SCAF4: variants seen among roughly 807,000 people sequenced by gnomAD.
SCAF4 encodes SR-related CTD associated factor 4.
Under a neutral mutation model 129.8 loss-of-function variants are expected in SCAF4, and 25 were observed. The observed-to-expected ratio is 0.19, with a 90% CI of 0.14 to 0.27. SCAF4 has a LOEUF of 0.27. SCAF4 is among the 10% of genes least tolerant of loss of function. SCAF4 has a pLI of 1.00. For missense variants in SCAF4, 1,246 were observed against 1,457.1 expected (o/e 0.86, Z 2.36); for synonymous variants, 551 against 497.7 (o/e 1.11, Z -1.43).
chr21:31,690,282 C>G (rs773799073), intron 15 of SCAF4, among the ~76,000 whole-genome samples: 1 of 151,840 alleles, frequency 6.6e-6, no homozygotes. Context: ...GTCAGGAGTT[C>G]GAGACCAGCC....
At chr21:31,690,733 CG>C (rs1486549095) in intron 15 of SCAF4, 63 bp downstream of exon 15, 25 of 1,449,842 alleles carry the variant, frequency 1.7e-5, no homozygotes, top group African/African-American at 2.8e-5. Flanking sequence ...ACAGGACATT[CG>C]ATTTGTCATA....
At position 31,690,824 on chromosome 21, in the gene SCAF4, T is replaced by C. The variant is rs1303372744; in HGVS notation, c.1858A>G (p.Met620Val). 2 of 1,613,636 alleles carry C rather than the reference T, an allele frequency of 1.2e-6. No individual in the cohort carries two copies. Among genetic ancestry groups the C allele is most frequent in the South Asian group, 1.1e-5 (1 of 90,916 alleles). ...GGGTTAAGTGTGTCACTGTCCAACATTCCTCCTTCACAAAAACTCTCCAGT... is the reference window on the plus strand; with the variant it reads ...GGGTTAAGTGTGTCACTGTCCAACACTCCTCCTTCACAAAAACTCTCCAGT... ...EELESFCEGG[M>V]LDSDTLNPDW... The change falls in exon 15 of 20, where the codon ATG becomes GTG. Residue 620 changes from methionine (M) to valine (V), a missense_variant. Transcript: ENST00000286835.
chr21:31,694,722 CA>C, intron 10 of SCAF4, 90 bp downstream of exon 10: 1 of 1,299,326 alleles, frequency 7.7e-7, no homozygotes, highest in Non-Finnish European at 1.1e-6. Context: ...TCTTCATATT[CA>C]AAAATGAAGA....
chr21:31,704,994 G>T (rs1243427056), intron 3 of SCAF4, among the ~76,000 whole-genome samples: 9 of 152,170 alleles, frequency 5.9e-5, no homozygotes, highest in Admixed American at 5.2e-4. Context: ...TGAGACAGAT[G>T]TGTGCCAATC....
chr21:31,696,074 A>G, intron 9 of SCAF4, 39 bp downstream of exon 9: 1 of 1,439,948 alleles, frequency 6.9e-7, no homozygotes, highest in Non-Finnish European at 9.8e-7. Context: ...CTCTATAATG[A>G]ATAGATCTTT....
rs557816046 is a variant in SCAF4, at chr21:31,677,857, C to T, written c.2489-5503G>A. Among the ~76,000 whole-genome samples, 13 of 152,300 alleles carry T rather than the reference C, an allele frequency of 8.5e-5. No individual in the cohort carries two copies. The South Asian group carries it at 1.2e-3, about 15-fold the overall frequency. Reference sequence around the variant, plus strand: ...TGTGACCCTTGGAAGGTTATTTCATCTCCAAGTGCTTCAGTCTCCCCATCT... The same window carrying T: ...TGTGACCCTTGGAAGGTTATTTCATTTCCAAGTGCTTCAGTCTCCCCATCT... On this transcript the variant is annotated intron_variant, in intron 19 of 19. Coordinates refer to ENST00000286835, the MANE Select transcript of SCAF4 (RefSeq NM_020706.2).
rs768275737 is a variant in SCAF4 at position 31,695,018 on chromosome 21, C to A, written c.1069-38G>T. On this transcript the variant is annotated intron_variant, in intron 9 of 19. Transcript: ENST00000286835. ...AAGAAAGTGTATGAGTAATAGCTATCAAAATAATTTGGAAAACCTTTAGTT... is the reference window on the plus strand; with the variant it reads ...AAGAAAGTGTATGAGTAATAGCTATAAAAATAATTTGGAAAACCTTTAGTT... 1.1e-5 allele frequency: 17 copies of A among 1,543,180 alleles called. No individual in the cohort carries two copies. In the Admixed American group the frequency reaches 2.2e-4, roughly 20 times the overall value.
intron 1 of SCAF4, among the ~76,000 whole-genome samples, chr21:31,723,629 T>TGTGTGTGTGTGTGTGCGCGCGCGC (rs1271033175): frequency 6.7e-6 from 1 of 149,000 alleles, no homozygotes; most frequent in African/African-American, 2.5e-5. Flanking sequence ...TGTGTGTGTG[T>TGTGTGTGTGTGTGTGCGCGCGCGC]GCGCGCGCGC....
chr21:31,692,200 A>C, intron 13 of SCAF4, 149 bp downstream of exon 13: 1 of 610,438 alleles, frequency 1.6e-6, no homozygotes, highest in East Asian at 2.7e-5. Context: ...TTAAATACAG[A>C]TAATTCTAAA....
At chr21:31,700,796 C>T (rs1197534603) in intron 7 of SCAF4, 199 bp downstream of exon 7, 1 of 407,632 alleles carries the variant, frequency 2.5e-6, no homozygotes, top group East Asian at 4.9e-5. Context: ...CAGCTTCAAA[C>T]CCTGGAAATT....
At chr21:31,710,321 G>A (rs1261609342) in intron 1 of SCAF4, among the ~76,000 whole-genome samples, 1 of 152,006 alleles carries the variant, frequency 6.6e-6, no homozygotes, top group Non-Finnish European at 1.5e-5. Flanking sequence ...GGCCAAGGCG[G>A]GCAGATCACC....
At chr21:31,706,421 T>G in intron 1 of SCAF4, 64 bp from the exon 2 acceptor site, 1 of 1,056,506 alleles carries the variant, frequency 9.5e-7, no homozygotes, top group Non-Finnish European at 1.4e-6. Flanking sequence ...TAAGCACCTT[T>G]CCTACATATC....
intron 1 of SCAF4, among the ~76,000 whole-genome samples, chr21:31,721,919 A>G (rs2051079185): frequency 6.6e-6 from 1 of 151,852 alleles, no homozygotes; most frequent in Admixed American, 6.6e-5. Flanking sequence ...AGGGTTTCTC[A>G]ATGTTGGCCA....
intron 7 of SCAF4, among the ~76,000 whole-genome samples, chr21:31,698,615 A>G (rs180782864): frequency 6.6e-6 from 1 of 152,286 alleles, no homozygotes. Flanking sequence ...TTTTTAGATG[A>G]AAGTAACAAT....
At chr21:31,678,321 T>G (rs932832328) in intron 19 of SCAF4, among the ~76,000 whole-genome samples, 1 of 152,156 alleles carries the variant, frequency 6.6e-6, no homozygotes, top group African/African-American at 2.4e-5. Context: ...CTTTTTCGCA[T>G]TCCGTATTTA....
Position 31,692,384 on chromosome 21 carries a change from G to A in SCAF4, c.1579C>T (p.Leu527Phe). The A allele has an allele frequency of 6.2e-7, 1 of 1,613,912 alleles. No homozygotes were observed. The highest frequency in any genetic ancestry group is 8.5e-7 in the Non-Finnish European group (1 of 1,179,876). The change falls in exon 13 of 20, where the codon CTC (leucine) becomes TTC (phenylalanine). Residue 527 changes from leucine (L) to phenylalanine (F), a missense_variant. Leu to Phe is a conservative substitution (Grantham distance 22). This residue lies in a region of SCAF4 where 468 missense variants were observed against 605.5 expected (regional missense o/e 0.77). Coordinates refer to ENST00000286835, the MANE Select transcript of SCAF4 (RefSeq NM_020706.2). ...TCAATTGGACCAAACTCTTCCAAGA[G>A]ACTGGCAACATCCTGCTGAGTAGTT... ...KRTTQQDVAS[L>F]LEEFGPIESI...
intron 19 of SCAF4, among the ~76,000 whole-genome samples, chr21:31,682,908 C>A (rs1053336438): frequency 1.7e-4 from 26 of 152,288 alleles, no homozygotes; most frequent in Non-Finnish European, 3.1e-4. Flanking sequence ...CTTGCATACA[C>A]ATTTAAAACT....
rs16988418 is a variant in SCAF4 at position 31,674,692 on chromosome 21, T to C, written c.2489-2338A>G. Among the ~76,000 whole-genome samples the C allele has an allele frequency of 3.0e-3, 456 of 152,304 alleles. 16 individuals are homozygous for C. The East Asian group carries it at 0.065, about 22-fold the overall frequency. The stretch of plus-strand genomic sequence containing the variant: ...CATTAGGCATAAACCATCAGTATAT[T>C]GTGAGTTACCCAGGTGAAAAGGGCA... On this transcript the variant is annotated intron_variant, in intron 19 of 19. Coordinates refer to ENST00000286835, the MANE Select transcript of SCAF4 (RefSeq NM_020706.2).
At chr21:31,710,913 G>GCA (rs1443472756) in intron 1 of SCAF4, among the ~76,000 whole-genome samples, 1 of 152,136 alleles carries the variant, frequency 6.6e-6, no homozygotes, top group African/African-American at 2.4e-5. Context: ...TGAGTGTTTC[G>GCA]TATATAAAAA....
Sources: allele counts gnomAD v4.1 joint callset (sites outside exome capture counted in the v4.1 genomes callset), GRCh38; gene constraint gnomAD v4.1.1; regional missense constraint gnomAD v4.1.1; transcripts MANE v1.5; gene names NCBI Gene and HGNC (gene_info 2026-07-23, HGNC 2026-07-21).